Variants in RALY observed in about 807,000 individuals in gnomAD.
RALY encodes RALY heterogeneous nuclear ribonucleoprotein.
Under a neutral mutation model 30.7 loss-of-function variants are expected in RALY, and 15 were observed. The ratio of observed to expected loss-of-function variants is 0.49; its 90% CI spans 0.33 to 0.75. The LOEUF (loss-of-function observed/expected upper bound fraction) is 0.75. RALY is among the 30% of genes least tolerant of loss of function. The pLI is 0.02. For missense variants in RALY, 339 were observed against 414.3 expected (o/e 0.82, Z 1.58); for synonymous variants, 177 against 170.8 (o/e 1.04, Z -0.28).
intron 2 of RALY, among the ~76,000 whole-genome samples, chr20:34,068,545 G>A (rs544776801): frequency 2.4e-4 from 36 of 152,238 alleles, no homozygotes; most frequent in Non-Finnish European, 4.4e-4. Flanking sequence ...ACTGTGCCCC[G>A]AGTTTTGTCA....
At chr20:34,018,426 C>G (rs1383850113) in intron 1 of RALY, among the ~76,000 whole-genome samples, 2 of 152,168 alleles carry the variant, frequency 1.3e-5, no homozygotes, top group African/African-American at 2.4e-5. Flanking sequence ...CCTTGCTTCT[C>G]TCATGGCAAA....
At chr20:34,077,598 A>G in intron 8 of RALY, 1 of 380,086 alleles carries the variant, frequency 2.6e-6, no homozygotes, top group South Asian at 2.6e-5. Context: ...GGCCACAGCC[A>G]GGAGGTGGGT....
chr20:34,003,929 G>A (rs944928772), intron 1 of RALY, among the ~76,000 whole-genome samples: 6 of 152,198 alleles, frequency 3.9e-5, no homozygotes, highest in Admixed American at 2.0e-4. Flanking sequence ...GTGAGCCACC[G>A]TGCCCGGCCT....
intron 4 of RALY, 48 bp downstream of exon 4, chr20:34,073,683 T>C: frequency 6.5e-7 from 1 of 1,543,746 alleles, no homozygotes; most frequent in Non-Finnish European, 9.0e-7. Context: ...ACTCTCTCTT[T>C]CCACAGAGGG....
chr20:34,014,673 A>G (rs1253200456), intron 1 of RALY, among the ~76,000 whole-genome samples: 1 of 152,200 alleles, frequency 6.6e-6, no homozygotes, highest in Non-Finnish European at 1.5e-5. Context: ...TAAATTTCCA[A>G]TAATTAAAAA....
intron 2 of RALY, among the ~76,000 whole-genome samples, chr20:34,051,560 T>C (rs1159562468): frequency 6.6e-6 from 1 of 152,168 alleles, no homozygotes; most frequent in Admixed American, 6.5e-5. Context: ...AGGATAGCGT[T>C]TTCAGTATAT....
intron 1 of RALY, among the ~76,000 whole-genome samples, chr20:34,016,931 TG>T (rs1246038030): frequency 1.3e-5 from 2 of 152,236 alleles, no homozygotes; most frequent in Non-Finnish European, 2.9e-5. Context: ...CTGGGGAGCC[TG>T]GGAGGAGGCT....
chr20:34,076,756 A>G lies in RALY; in HGVS notation c.599A>G (p.Asn200Ser), dbSNP rs1309017605. Residue 200 changes from asparagine to serine, a missense_variant, in exon 7 of 10, where the codon AAT (asparagine) becomes AGT (serine). Coordinates refer to ENST00000246194, the MANE Select transcript of RALY (RefSeq NM_016732.3). The stretch of plus-strand genomic sequence containing the variant: ...ACGGAGCTGACACAGATCAAGTCCA[A>G]TATCGATGCCCTGCTGAGCCGCTTG... ...IKTELTQIKS[N>S]IDALLSRLEQ... 5 of 1,614,064 alleles carry G rather than the reference A, an allele frequency of 3.1e-6. No homozygotes were observed. In the South Asian group the frequency reaches 4.4e-5, roughly 14 times the overall value.
rs933361065 is a variant in RALY, at chr20:34,083,308, CGCCT to C, written c.*3405_*3408del. The C allele has an allele frequency of 1.3e-5, 2 of 152,218 alleles. No individual in the cohort carries two copies. Among genetic ancestry groups the C allele is most frequent in the African/African-American group, 4.8e-5 (2 of 41,446 alleles). The allele number at this position is 152,218 out of a possible 1,614,324, so 9.4% of individuals were successfully genotyped here. Reference sequence around the variant, plus strand: ...CTGGCTGGTCTCAGATGGCCTCGCCCGCCTGTCAGGTGGTTGGCTGGGCAACTGG... The same window carrying C: ...CTGGCTGGTCTCAGATGGCCTCGCCCGTCAGGTGGTTGGCTGGGCAACTGG... On this transcript the variant is annotated 3_prime_UTR_variant, in exon 10 of 10. Transcript: ENST00000246194.
At chr20:34,008,941 G>A (rs1013078492) in intron 1 of RALY, among the ~76,000 whole-genome samples, 2 of 152,088 alleles carry the variant, frequency 1.3e-5, no homozygotes, top group African/African-American at 4.8e-5. Context: ...TTATGTGTGA[G>A]CCATTGCACC....
At chr20:34,061,631 C>A (rs982254672) in intron 2 of RALY, among the ~76,000 whole-genome samples, 2 of 152,178 alleles carry the variant, frequency 1.3e-5, no homozygotes, top group Non-Finnish European at 2.9e-5. Flanking sequence ...ATTAATAATA[C>A]CTGCCTCAGA....
chr20:34,013,858 A>C (rs2123027255), intron 1 of RALY, among the ~76,000 whole-genome samples: 1 of 152,296 alleles, frequency 6.6e-6, no homozygotes, highest in African/African-American at 2.4e-5. Context: ...GAATGATGGA[A>C]ATGTGTATGC....
chr20:34,048,400 G>A (rs2093487010), intron 2 of RALY, among the ~76,000 whole-genome samples: 2 of 152,114 alleles, frequency 1.3e-5, no homozygotes, highest in South Asian at 2.1e-4. Flanking sequence ...ATGAGTCTAA[G>A]TCTCATATGC....
intron 2 of RALY, among the ~76,000 whole-genome samples, chr20:34,034,972 G>A (rs1234578297): frequency 2.0e-5 from 3 of 151,920 alleles, no homozygotes; most frequent in Non-Finnish European, 2.9e-5. Flanking sequence ...CTAACACGGT[G>A]AAACCCCGTC....
chr20:34,063,203 G>A (rs1324109470), intron 2 of RALY, among the ~76,000 whole-genome samples: 1 of 152,188 alleles, frequency 6.6e-6, no homozygotes, highest in African/African-American at 2.4e-5. Context: ...CAGTTCCTGG[G>A]ATGTAAGTAC....
intron 2 of RALY, among the ~76,000 whole-genome samples, chr20:34,044,879 AAT>A (rs2123147660): frequency 6.6e-6 from 1 of 152,212 alleles, no homozygotes; most frequent in East Asian, 1.9e-4. Flanking sequence ...GGGATACAGT[AAT>A]GAACAAAACA....
chr20:34,037,233 C>G (rs974225213), intron 2 of RALY, among the ~76,000 whole-genome samples: 2 of 152,184 alleles, frequency 1.3e-5, no homozygotes, highest in African/African-American at 4.8e-5. Flanking sequence ...TAGGGCTAGA[C>G]CCATAGTGCT....
At chr20:34,049,167 G>C (rs1461744624) in intron 2 of RALY, 1 of 153,984 alleles carries the variant, frequency 6.5e-6, no homozygotes, top group African/African-American at 2.4e-5. Flanking sequence ...ATGAAAGCCA[G>C]GCTCTGAAGG....
chr20:34,081,943 T>A lies in RALY; in HGVS notation c.*2038T>A, dbSNP rs1187970929. ...GGGCAGCAGGGAGAGAGTAGAGATTTGTCAAGAGCCCATGGTGGAGGCTGA... is the reference window on the plus strand; with the variant it reads ...GGGCAGCAGGGAGAGAGTAGAGATTAGTCAAGAGCCCATGGTGGAGGCTGA... On this transcript the variant is annotated 3_prime_UTR_variant, in exon 10 of 10. Coordinates refer to ENST00000246194, the MANE Select transcript of RALY (RefSeq NM_016732.3). 1 of 152,360 alleles carries A rather than the reference T, an allele frequency of 6.6e-6. No homozygotes were observed. The highest frequency in any genetic ancestry group is 1.5e-5 in the Non-Finnish European group (1 of 68,160). 9.4% of individuals were successfully genotyped at this position (152,360 alleles called of 1,614,324 possible).
Sources: gnomAD v4.1 joint callset for allele counts (sites outside exome capture counted in the v4.1 genomes callset) on GRCh38, gnomAD v4.1.1 for gene constraint, MANE v1.5 for transcripts, NCBI Gene and HGNC (gene_info 2026-07-23, HGNC 2026-07-21) for gene names.